The following VWA3B variants were observed in gnomAD, a reference collection of about 807,000 sequenced individuals.
The protein encoded by VWA3B is von Willebrand factor A domain containing 3B, also known as von Willebrand factor A domain-containing protein 3B.
VWA3B carries 138 observed loss-of-function variants against 158.3 expected under a neutral mutation model. That is an observed-to-expected ratio of 0.87 (90% confidence interval 0.76 to 1.00). The LOEUF (loss-of-function observed/expected upper bound fraction) is 1.00. Among genes scored for constraint, VWA3B ranks in the 50% least tolerant of loss-of-function variants. The pLI, the probability that VWA3B is intolerant of heterozygous loss-of-function variation, is 0.00. For missense variants in VWA3B, 1,555 were observed against 1,565.1 expected (o/e 0.99, Z 0.11); for synonymous variants, 596 against 587.3 (o/e 1.01, Z -0.21).
intron 13 of VWA3B, among the ~76,000 whole-genome samples, chr2:98,215,258 C>T (rs1019840422): frequency 1.3e-4 from 20 of 151,544 alleles, no homozygotes; most frequent in Non-Finnish European, 2.8e-4. Flanking sequence ...CCGGCTAACA[C>T]GGTGAAACCC....
At chr2:98,193,287 A>G (rs1482240196) in intron 11 of VWA3B, among the ~76,000 whole-genome samples, 1 of 152,146 alleles carries the variant, frequency 6.6e-6, no homozygotes, top group Non-Finnish European at 1.5e-5. Context: ...CTGTCCTGAA[A>G]TCTTTGGTAT....
chr2:98,312,889 ACT>A lies in VWA3B; in HGVS notation c.*543_*544del, dbSNP rs1210303930. Reference sequence around the variant, plus strand: ...TTTTGTCTATAGTCTGTTGTAGGTAACTCTAATTGAGCCCGAAACCAGAATAA... The same window carrying A: ...TTTTGTCTATAGTCTGTTGTAGGTAACTAATTGAGCCCGAAACCAGAATAA... On this transcript the variant is annotated 3_prime_UTR_variant, in exon 28 of 28. Transcript: ENST00000477737. 3.9e-5 allele frequency: 6 copies of A among 152,344 alleles called. No individual in the cohort carries two copies. The highest frequency in any genetic ancestry group is 1.4e-4 in the African/African-American group (6 of 41,438). 9.4% of individuals were successfully genotyped at this position (152,344 alleles called of 1,614,324 possible). A position where few individuals can be genotyped will look rare whatever the true frequency, so the allele number is the denominator to read the frequency against.
chr2:98,199,324 C>G (rs1400540316), intron 12 of VWA3B, among the ~76,000 whole-genome samples: 1 of 152,106 alleles, frequency 6.6e-6, no homozygotes, highest in African/African-American at 2.4e-5. Context: ...TAAACATTTG[C>G]CTACAGATTT....
intron 7 of VWA3B, among the ~76,000 whole-genome samples, chr2:98,144,175 A>G (rs1028521745): frequency 1.3e-5 from 2 of 152,166 alleles, no homozygotes; most frequent in Non-Finnish European, 2.9e-5. Context: ...ATATGTATGT[A>G]TGCATGGTTA....
intron 7 of VWA3B, among the ~76,000 whole-genome samples, chr2:98,153,890 C>T (rs1026604352): frequency 6.6e-6 from 1 of 152,202 alleles, no homozygotes; most frequent in African/African-American, 2.4e-5. Flanking sequence ...TTGAGACAGT[C>T]TCGCTCTGTC....
chr2:98,165,466 G>A (rs1293857289), intron 8 of VWA3B, among the ~76,000 whole-genome samples: 1 of 152,088 alleles, frequency 6.6e-6, no homozygotes, highest in Non-Finnish European at 1.5e-5. Context: ...AAGCTCCCCG[G>A]GTGATCCTAG....
intron 8 of VWA3B, among the ~76,000 whole-genome samples, chr2:98,172,449 C>T (rs1457574357): frequency 6.6e-6 from 1 of 152,224 alleles, no homozygotes; most frequent in Non-Finnish European, 1.5e-5. Context: ...CGATGTCCAG[C>T]TGCTTCTGTC....
chr2:98,236,961 A>G (rs1685744673), intron 19 of VWA3B, among the ~76,000 whole-genome samples: 1 of 152,214 alleles, frequency 6.6e-6, no homozygotes, highest in Non-Finnish European at 1.5e-5. Flanking sequence ...GGATCCCTTG[A>G]ATCCAGGAGT....
chr2:98,183,189 CTTT>C (rs1244544813), intron 9 of VWA3B, among the ~76,000 whole-genome samples: 57 of 124,592 alleles, frequency 4.6e-4, no homozygotes, highest in East Asian at 1.1e-3. Context: ...GTACAGCTCC[CTTT>C]TTTTTTTTTT....
chr2:98,092,816 G>GTATATATATATATA (rs70940110), intron 1 of VWA3B, among the ~76,000 whole-genome samples: 4 of 51,498 alleles, frequency 7.8e-5, no homozygotes, highest in Non-Finnish European at 1.2e-4. Context: ...AGATGTTTTT[G>GTATATATATATATA]TATATATATA....
intron 13 of VWA3B, 32 bp downstream of exon 13, chr2:98,212,060 T>G (rs748285150): frequency 6.3e-7 from 1 of 1,588,756 alleles, no homozygotes; most frequent in South Asian, 1.1e-5. Flanking sequence ...AAAGAGGGCC[T>G]CACTGATGCT....
At position 98,133,934 on chromosome 2, in the gene VWA3B, C is replaced by T. The variant is rs1484847765; in HGVS notation, c.983C>T (p.Pro328Leu). ...WNSRKLKGKL[P>L]PGAGVREDVF... is the part of the protein sequence containing the mutation. ...TCAAGGAAACTGAAAGGAAAACTCC[C>T]TCCAGGTACCTGGAATCCAAAAGAA... The change falls in exon 7 of 28, where the codon CCT becomes CTT. Residue 328 changes from proline to leucine, a missense_variant. Transcript: ENST00000477737. 1 of 1,613,908 alleles carries T rather than the reference C, an allele frequency of 6.2e-7. No homozygotes were observed.
At chr2:98,328,078 T>A in the VWA3B span, among the ~76,000 whole-genome samples, 2 of 152,080 alleles carry the variant, frequency 1.3e-5, no homozygotes, top group East Asian at 3.9e-4. Context: ...CTCTGGGAGG[T>A]CTCATGCTAC....
At chr2:98,164,457 G>T (rs903000275) in intron 8 of VWA3B, among the ~76,000 whole-genome samples, 1 of 152,252 alleles carries the variant, frequency 6.6e-6, no homozygotes, top group South Asian at 2.1e-4. Context: ...GCCCTGAGGG[G>T]TAGGCCTATA....
chr2:98,296,071 AG>A (rs1665795000), intron 23 of VWA3B, among the ~76,000 whole-genome samples: 1 of 152,262 alleles, frequency 6.6e-6, no homozygotes, highest in African/African-American at 2.4e-5. Context: ...CAAAGAAGAA[AG>A]TCAGTGATAA....
At chr2:98,301,778 T>G (rs1315517260) in intron 25 of VWA3B, among the ~76,000 whole-genome samples, 1 of 152,212 alleles carries the variant, frequency 6.6e-6, no homozygotes, top group Non-Finnish European at 1.5e-5. Flanking sequence ...CTTGGTAATA[T>G]ATGCAGCCAA....
At chr2:98,158,945 C>T (rs900910195) in intron 7 of VWA3B, among the ~76,000 whole-genome samples, 2 of 152,142 alleles carry the variant, frequency 1.3e-5, no homozygotes, top group Admixed American at 1.3e-4. Flanking sequence ...CCACCCACTA[C>T]AGAGGAGATG....
At chr2:98,200,946 C>T (rs962971357) in intron 12 of VWA3B, among the ~76,000 whole-genome samples, 1 of 152,198 alleles carries the variant, frequency 6.6e-6, no homozygotes, top group Non-Finnish European at 1.5e-5. Context: ...TTGACTATAT[C>T]CGTGTGGGTC....
chr2:98,206,631 A>T, intron 12 of VWA3B: 1 of 385,604 alleles, frequency 2.6e-6, no homozygotes, highest in Non-Finnish European at 5.2e-6. Context: ...AAAATGAAAC[A>T]GTTTGCTCCC....
Sources: gnomAD v4.1 joint callset for allele counts (sites outside exome capture counted in the v4.1 genomes callset) on GRCh38, gnomAD v4.1.1 for gene constraint, MANE v1.5 for transcripts, NCBI Gene and HGNC (gene_info 2026-07-23, HGNC 2026-07-21) for gene names.